The following SASH1 variants were observed in gnomAD, a reference collection of about 807,000 sequenced individuals.
The protein encoded by SASH1 is SAM and SH3 domain-containing protein 1.
Under a neutral mutation model 125.2 loss-of-function variants are expected in SASH1, and 44 were observed. That is an observed-to-expected ratio of 0.35 (90% CI 0.28 to 0.45). The LOEUF is 0.45. Ranked by LOEUF, SASH1 falls within the 20% of genes least tolerant of loss-of-function variation. SASH1 has a pLI of 1.00. For synonymous variants in SASH1, 639 were observed against 649.1 expected (o/e 0.98, Z 0.24); for missense variants, 1,426 against 1,614.5 (o/e 0.88, Z 2.00).
chr6:148,467,867 G>A (rs900909094), intron 4 of SASH1, among the ~76,000 whole-genome samples: 1 of 152,170 alleles, frequency 6.6e-6, no homozygotes, highest in African/African-American at 2.4e-5. Context: ...AACCCAGGAG[G>A]CGGAGGTTGC....
intron 4 of SASH1, among the ~76,000 whole-genome samples, chr6:148,445,016 C>T (rs375845583): frequency 1.8e-4 from 27 of 152,284 alleles, no homozygotes; most frequent in African/African-American, 6.0e-4. Flanking sequence ...GATGTTGCCA[C>T]GGCACCTGTA....
chr6:148,474,082 C>A, intron 6 of SASH1, 28 bp from the exon 7 acceptor site: 1 of 1,443,650 alleles, frequency 6.9e-7, no homozygotes, highest in South Asian at 1.2e-5. Flanking sequence ...TGTTTTCACT[C>A]CTGTTGTTCT....
intron 2 of SASH1, among the ~76,000 whole-genome samples, chr6:148,391,620 TATGTGTATA>T (rs1311656625): frequency 1.3e-5 from 2 of 152,184 alleles, no homozygotes; most frequent in Non-Finnish European, 2.9e-5. Flanking sequence ...TGAAAACCTT[TATGTGTATA>T]ATCAGAGATG....
At chr6:148,496,895 A>G (rs1047093609) in intron 8 of SASH1, among the ~76,000 whole-genome samples, 3 of 152,042 alleles carry the variant, frequency 2.0e-5, no homozygotes, top group African/African-American at 7.2e-5. Context: ...AAAAAAAAGT[A>G]AATTTTTTAA....
intron 8 of SASH1, among the ~76,000 whole-genome samples, chr6:148,490,477 AG>A (rs1779062604): frequency 6.6e-6 from 1 of 152,174 alleles, no homozygotes; most frequent in Non-Finnish European, 1.5e-5. Flanking sequence ...CAAAATGCTG[AG>A]ATTACAGGCA....
intron 8 of SASH1, among the ~76,000 whole-genome samples, chr6:148,501,459 T>G (rs1779557296): frequency 1.3e-5 from 2 of 152,162 alleles, no homozygotes; most frequent in Non-Finnish European, 2.9e-5. Flanking sequence ...GAGAATTGGA[T>G]GCCCTTGGGA....
chr6:148,449,078 C>CTTTTTCTTTTTTTTTTTTTTTTTTTTTT, intron 4 of SASH1, among the ~76,000 whole-genome samples: 3 of 88,734 alleles, frequency 3.4e-5, no homozygotes, highest in East Asian at 2.9e-4. Context: ...CATTTCATTT[C>CTTTTTCTTTTTTTTTTTTTTTTTTTTTT]TTTTTTTTTT....
At chr6:148,387,563 TTTCTCTTTCTTTC>T (rs2114808838) in intron 1 of SASH1, among the ~76,000 whole-genome samples, 1 of 145,348 alleles carries the variant, frequency 6.9e-6, no homozygotes, top group Non-Finnish European at 1.5e-5. Context: ...CTTTCTTTCT[TTTCTCTTTCTTTC>T]TTTCTTTCTT....
At chr6:148,409,615 C>T (rs903589259) in intron 2 of SASH1, among the ~76,000 whole-genome samples, 12 of 152,146 alleles carry the variant, frequency 7.9e-5, no homozygotes, top group South Asian at 2.1e-4. Flanking sequence ...TAAATGTGAA[C>T]GGCTGGAAGC....
chr6:148,288,053 G>A (rs934764146), intron 1 of SASH1, among the ~76,000 whole-genome samples: 10 of 152,162 alleles, frequency 6.6e-5, no homozygotes, highest in African/African-American at 2.2e-4. Context: ...CAGAAAAGAC[G>A]TTTCATCATC....
chr6:148,388,980 G>C (rs1032990258), intron 1 of SASH1, among the ~76,000 whole-genome samples: 1 of 151,980 alleles, frequency 6.6e-6, no homozygotes. Context: ...AGAGCTGGAG[G>C]AGAGGAGAGG....
At chr6:148,330,301 T>A (rs558096552) in intron 1 of SASH1, among the ~76,000 whole-genome samples, 1 of 152,350 alleles carries the variant, frequency 6.6e-6, no homozygotes, top group South Asian at 2.1e-4. Flanking sequence ...AGTGAGAATC[T>A]TTTGTTCTAT....
chr6:148,485,889 G>A (rs1778817573), intron 7 of SASH1, among the ~76,000 whole-genome samples: 1 of 152,178 alleles, frequency 6.6e-6, no homozygotes, highest in Non-Finnish European at 1.5e-5. Flanking sequence ...CATGGAACAT[G>A]ATTTGATCAC....
intron 1 of SASH1, among the ~76,000 whole-genome samples, chr6:148,359,755 T>C (rs71568227): frequency 6.6e-6 from 1 of 152,058 alleles, no homozygotes; most frequent in Admixed American, 6.6e-5. Flanking sequence ...TTCTTTATTG[T>C]CTTTTATTTT....
the SASH1 span, among the ~76,000 whole-genome samples, chr6:148,260,078 C>T: frequency 6.6e-6 from 1 of 152,020 alleles, no homozygotes; most frequent in African/African-American, 2.4e-5. Context: ...ATGATTCTTA[C>T]CCAGTTTTTA....
chr6:148,407,722 G>A (rs749663763), intron 2 of SASH1, among the ~76,000 whole-genome samples: 9 of 151,972 alleles, frequency 5.9e-5, no homozygotes, highest in East Asian at 1.9e-4. Flanking sequence ...AACCTCTGCC[G>A]CCCGAGTTGA....
intron 4 of SASH1, among the ~76,000 whole-genome samples, chr6:148,448,762 C>T (rs1776932769): frequency 6.6e-6 from 1 of 152,170 alleles, no homozygotes. Flanking sequence ...CAGCCTCTTG[C>T]TGAAAAATGC....
At chr6:148,326,335 T>TATGCATATATATATATGC in intron 1 of SASH1, among the ~76,000 whole-genome samples, 1 of 67,146 alleles carries the variant, frequency 1.5e-5, no homozygotes, top group Non-Finnish European at 3.0e-5. Flanking sequence ...TATATATATA[T>TATGCATATATATATATGC]ATATATATAT....
the SASH1 span, among the ~76,000 whole-genome samples, chr6:148,253,682 C>G: frequency 6.6e-6 from 1 of 151,992 alleles, no homozygotes; most frequent in Non-Finnish European, 1.5e-5. Context: ...ACCATCCTGG[C>G]CAACATGGTG....
Sources: allele counts gnomAD v4.1 joint callset (sites outside exome capture counted in the v4.1 genomes callset), GRCh38; gene constraint gnomAD v4.1.1; transcripts MANE v1.5; gene names NCBI Gene and HGNC (gene_info 2026-07-23, HGNC 2026-07-21).